The following DLG2 variants were observed in gnomAD, a reference collection of about 807,000 sequenced individuals.
The protein encoded by DLG2 is discs large MAGUK scaffold protein 2, also known as disks large homolog 2.
Under a neutral mutation model 132.5 loss-of-function variants are expected in DLG2, and 45 were observed. The observed-to-expected ratio is 0.34, with a 90% CI of 0.27 to 0.44. The LOEUF (loss-of-function observed/expected upper bound fraction) is 0.44, where lower values mean the gene tolerates loss of function less well. Ranked by LOEUF, DLG2 falls within the 20% of genes least tolerant of loss-of-function variation. The probability of loss-of-function intolerance (pLI) is 1.00; values close to 1 mark genes in which losing one functional copy is unlikely to be tolerated. For synonymous variants in DLG2, 424 were observed against 419.6 expected, an observed-to-expected ratio of 1.01 and a Z score of -0.13; for missense variants, 1,045 against 1,196.9, an observed-to-expected ratio of 0.87 and a Z score of 1.87.
chr11:84,243,283 T>C (rs1023374882), intron 8 of DLG2, among the ~76,000 whole-genome samples: 5 of 152,172 alleles, frequency 3.3e-5, no homozygotes, highest in Non-Finnish European at 7.4e-5. Context: ...TTGTATTATT[T>C]TATTTTAATT....
intron 3 of DLG2, among the ~76,000 whole-genome samples, chr11:85,513,715 C>T (rs2094121827): frequency 6.6e-6 from 1 of 151,904 alleles, no homozygotes; most frequent in South Asian, 2.1e-4. Context: ...ATTTACTTCT[C>T]CCACCAGACT....
intron 6 of DLG2, among the ~76,000 whole-genome samples, chr11:85,015,926 A>G (rs552836527): frequency 1.1e-4 from 17 of 152,286 alleles, no homozygotes; most frequent in Admixed American, 2.0e-4. Flanking sequence ...TATGAAATGA[A>G]CTAGATTTAT....
At chr11:85,418,997 G>T (rs1257152687) in intron 3 of DLG2, among the ~76,000 whole-genome samples, 1 of 151,354 alleles carries the variant, frequency 6.6e-6, no homozygotes. Flanking sequence ...TCAGTAAGTT[G>T]ATGCAGTTTT....
intron 3 of DLG2, among the ~76,000 whole-genome samples, chr11:85,474,167 C>T (rs562842124): frequency 6.6e-6 from 1 of 151,832 alleles, no homozygotes; most frequent in South Asian, 2.1e-4. Flanking sequence ...TTGTTAACAA[C>T]CAAAATAGAC....
intron 3 of DLG2, among the ~76,000 whole-genome samples, chr11:85,494,603 C>T (rs1337206258): frequency 1.3e-5 from 2 of 149,532 alleles, no homozygotes; most frequent in Admixed American, 6.7e-5. Context: ...TTATATATTA[C>T]ATAAGCTTAT....
chr11:84,565,817 T>C (rs2099451790), intron 6 of DLG2, among the ~76,000 whole-genome samples: 1 of 152,108 alleles, frequency 6.6e-6, no homozygotes, highest in Admixed American at 6.6e-5. Flanking sequence ...AGGAGCTATA[T>C]TTTAAATATC....
intron 4 of DLG2, among the ~76,000 whole-genome samples, chr11:85,197,756 C>G (rs1211127450): frequency 6.6e-6 from 1 of 152,152 alleles, no homozygotes; most frequent in African/African-American, 2.4e-5. Context: ...AACAAAATCT[C>G]CATGACCGAG....
chr11:84,834,975 A>C (rs1369493183), intron 6 of DLG2, among the ~76,000 whole-genome samples: 1 of 151,664 alleles, frequency 6.6e-6, no homozygotes, highest in African/African-American at 2.4e-5. Flanking sequence ...CCTAATAATA[A>C]GACTTCTCAT....
chr11:83,686,391 C>T (rs2079771059), intron 18 of DLG2, among the ~76,000 whole-genome samples: 1 of 151,970 alleles, frequency 6.6e-6, no homozygotes, highest in South Asian at 2.1e-4. Context: ...ACATTATATA[C>T]TAAATATTGT....
intron 3 of DLG2, among the ~76,000 whole-genome samples, chr11:85,465,072 TCAAAAAAAAAAAAAAAAAAAAAAAAA>T (rs1342490013): frequency 4.7e-5 from 1 of 21,150 alleles, no homozygotes; most frequent in South Asian, 2.3e-3. Context: ...GAACTCTGCC[TCAAAAAAAAAAAAAAAAAAAAAAAAA>T]AAAAAAAAAA....
intron 7 of DLG2, among the ~76,000 whole-genome samples, chr11:84,279,818 G>A (rs12574358): frequency 1.3e-5 from 2 of 152,152 alleles, no homozygotes; most frequent in South Asian, 2.1e-4. Context: ...TGGCATGGGG[G>A]TGCTAAGGGA....
At chr11:83,780,353 T>C (rs148257103) in intron 18 of DLG2, among the ~76,000 whole-genome samples, 2 of 152,316 alleles carry the variant, frequency 1.3e-5, no homozygotes, top group African/African-American at 2.4e-5. Flanking sequence ...TCTGTGACAG[T>C]GGTTACCCCA....
chr11:85,567,207 A>G (rs1661403188), intron 3 of DLG2, among the ~76,000 whole-genome samples: 1 of 152,178 alleles, frequency 6.6e-6, no homozygotes, highest in Admixed American at 6.5e-5. Flanking sequence ...CACTTCTTCA[A>G]AAACAGCTAT....
intron 6 of DLG2, among the ~76,000 whole-genome samples, chr11:84,636,114 T>C (rs1180688432): frequency 6.6e-6 from 1 of 152,220 alleles, no homozygotes; most frequent in Non-Finnish European, 1.5e-5. Context: ...TTTGCTAATC[T>C]GGACAATGCA....
chr11:83,602,140 T>C (rs1051571531), intron 19 of DLG2, among the ~76,000 whole-genome samples: 5 of 152,226 alleles, frequency 3.3e-5, no homozygotes. Flanking sequence ...AAATATCACT[T>C]CTGGAAATGA....
chr11:84,631,338 T>C (rs997615716), intron 6 of DLG2, among the ~76,000 whole-genome samples: 1 of 152,032 alleles, frequency 6.6e-6, no homozygotes, highest in Admixed American at 6.6e-5. Flanking sequence ...ACATAAACCA[T>C]AATTAAGAAG....
intron 7 of DLG2, 106 bp from the exon 8 acceptor site, chr11:84,251,397 A>G: frequency 1.3e-6 from 1 of 787,834 alleles, no homozygotes; most frequent in South Asian, 2.0e-5. Flanking sequence ...TTTCTTGAGG[A>G]CCTCTACAGG....
chr11:85,050,885 T>A (rs555259), intron 6 of DLG2, among the ~76,000 whole-genome samples: 101,574 of 151,942 alleles, frequency 0.67, 34,909 homozygotes, highest in East Asian at 0.94. Flanking sequence ...CTGTTTGCTC[T>A]GCATTAGCAT....
At chr11:85,236,786 C>G (rs912842536) in intron 4 of DLG2, among the ~76,000 whole-genome samples, 1 of 151,938 alleles carries the variant, frequency 6.6e-6, no homozygotes, top group Non-Finnish European at 1.5e-5. Context: ...TTGACTTGCC[C>G]AAGTTCACAT....
Sources: allele counts gnomAD v4.1 joint callset (sites outside exome capture counted in the v4.1 genomes callset), GRCh38; gene constraint gnomAD v4.1.1; transcripts MANE v1.5; gene names NCBI Gene and HGNC (gene_info 2026-07-23, HGNC 2026-07-21).